The following LMO1 variants were observed in gnomAD, a reference collection of about 807,000 sequenced individuals.
LMO1 encodes the protein LIM domain only 1.
In LMO1, 10 loss-of-function variants were observed where a neutral mutation model predicts 18.0. That is an observed-to-expected ratio of 0.55 (90% confidence interval 0.34 to 0.94). The LOEUF (loss-of-function observed/expected upper bound fraction) is 0.94, where lower values mean the gene tolerates loss of function less well. LMO1 is among the 40% of genes least tolerant of loss of function. LMO1 has a pLI of 0.02. For missense variants in LMO1, 183 were observed against 205.7 expected (o/e 0.89, Z 0.68); for synonymous variants, 77 against 77.9 (o/e 0.99, Z 0.06).
In LMO1 at chr11:8,233,765, G is replaced by A. The variant is rs542892587; in HGVS notation, c.26-3261C>T. Among the ~76,000 whole-genome samples, 3 of 118,058 alleles carry A rather than the reference G, an allele frequency of 2.5e-5. No homozygotes were observed. The South Asian group carries it at 7.9e-4, about 31-fold the overall frequency. The allele number at this position is 118,058 out of a possible 152,430, so 77.5% of individuals were successfully genotyped here. On this transcript the variant is annotated intron_variant, in intron 1 of 3. Coordinates refer to ENST00000335790, the MANE Select transcript of LMO1 (RefSeq NM_002315.3). Reference sequence around the variant, plus strand: ...CACCTCTTCCCTCCCTCCTTCCCCAGCCTGGCTCTGGGACCTGAGCCTCGG... The same window carrying A: ...CACCTCTTCCCTCCCTCCTTCCCCAACCTGGCTCTGGGACCTGAGCCTCGG...
upstream of LMO1, chr11:8,268,558 AG>A (rs1461810875): frequency 1.1e-6 from 1 of 947,970 alleles, no homozygotes; most frequent in Non-Finnish European, 1.4e-6. Context: ...GCGGGCGCCG[AG>A]TCCGGAGAGC....
chr11:8,230,699 C>T (rs1952643293), intron 1 of LMO1, among the ~76,000 whole-genome samples, 195 bp from the exon 2 acceptor site: 1 of 152,202 alleles, frequency 6.6e-6, no homozygotes, highest in Non-Finnish European at 1.5e-5. Flanking sequence ...CTACATGGCA[C>T]AGCCTGTTTC....
At chr11:8,250,041 C>T (rs1231645276) in intron 1 of LMO1, among the ~76,000 whole-genome samples, 2 of 108,692 alleles carry the variant, frequency 1.8e-5, no homozygotes, top group Admixed American at 1.1e-4. Context: ...TTCACCTTTC[C>T]CCATTTTTTT....
chr11:8,246,710 T>C (rs1846899954), intron 1 of LMO1, among the ~76,000 whole-genome samples: 1 of 152,028 alleles, frequency 6.6e-6, no homozygotes, highest in African/African-American at 2.4e-5. Flanking sequence ...AAAGCTATTA[T>C]AAAACAAAAC....
intron 1 of LMO1, among the ~76,000 whole-genome samples, chr11:8,243,216 T>C (rs1253247182): frequency 2.0e-5 from 3 of 151,770 alleles, no homozygotes; most frequent in Non-Finnish European, 4.4e-5. Flanking sequence ...CTTCAGCCCT[T>C]CTTTGCAGAC....
chr11:8,262,664 G>A (rs1322582443), intron 1 of LMO1, among the ~76,000 whole-genome samples: 1 of 152,244 alleles, frequency 6.6e-6, no homozygotes. Flanking sequence ...GGCCGGCGGC[G>A]GGACACTTTC....
upstream of LMO1, among the ~76,000 whole-genome samples, chr11:8,266,923 T>C (rs1847267239): frequency 6.6e-6 from 1 of 152,212 alleles, no homozygotes; most frequent in Non-Finnish European, 1.5e-5. Flanking sequence ...CCACCACAGT[T>C]GACAGGACAG....
At chr11:8,254,588 G>A (rs1270185267) in intron 1 of LMO1, among the ~76,000 whole-genome samples, 1 of 141,684 alleles carries the variant, frequency 7.1e-6, no homozygotes, top group Admixed American at 7.4e-5. Context: ...ACCTGAAAGA[G>A]GCAACGGGGA....
Position 8,247,496 on chromosome 11 carries a change from C to G in LMO1, c.25+15842G>C, listed in dbSNP as rs150762237. Reference sequence around the variant, plus strand: ...GAAGCATCCTGGCCAGCAGGGGGAGCTGGGGCCACACTGGGGCAGGGGCAT... The same window carrying G: ...GAAGCATCCTGGCCAGCAGGGGGAGGTGGGGCCACACTGGGGCAGGGGCAT... On this transcript the variant is annotated intron_variant, in intron 1 of 3. Coordinates refer to ENST00000335790, the MANE Select transcript of LMO1 (RefSeq NM_002315.3). 2.5e-3 allele frequency among the ~76,000 whole-genome samples: 374 copies of G among 152,324 alleles called. 8 individuals carry two copies. The highest frequency in any genetic ancestry group is 5.7e-4 in the Non-Finnish European group (39 of 68,020).
intron 1 of LMO1, 120 bp downstream of exon 1, chr11:8,263,218 C>T (rs1847218610): frequency 4.3e-6 from 4 of 928,188 alleles, no homozygotes; most frequent in South Asian, 3.2e-5. Context: ...GCGCGCCGCC[C>T]GCCCCGCAAT....
chr11:8,228,270 G>C (rs1312996490), intron 2 of LMO1, among the ~76,000 whole-genome samples: 5 of 152,266 alleles, frequency 3.3e-5, no homozygotes, highest in Non-Finnish European at 5.9e-5. Flanking sequence ...CCAATGGTCT[G>C]AGCCATCCCG....
chr11:8,263,149 C>G lies in LMO1; in HGVS notation c.25+189G>C, dbSNP rs1050618962. Among the ~76,000 whole-genome samples, 4 of 151,614 alleles carry G rather than the reference C, an allele frequency of 2.6e-5. No individual in the cohort carries two copies. In the South Asian group the frequency reaches 8.3e-4, roughly 31 times the overall value. ...GCAGCCCGGGGCTCGACCTCCTCCC[C>G]CCGCAAGTTCCGCCCGGCTGTCCCC... On this transcript the variant is annotated intron_variant, in intron 1 of 3. Transcript: ENST00000335790.
chr11:8,266,198 C>G (rs369339874), upstream of LMO1, among the ~76,000 whole-genome samples: 1 of 152,192 alleles, frequency 6.6e-6, no homozygotes, highest in Non-Finnish European at 1.5e-5. Context: ...CCAAACTGAT[C>G]TGGAGAGGAA....
upstream of LMO1, among the ~76,000 whole-genome samples, chr11:8,264,461 T>C (rs892381798): frequency 3.3e-5 from 5 of 152,232 alleles, no homozygotes; most frequent in African/African-American, 1.2e-4. Flanking sequence ...GCTGCTATTA[T>C]GGAGTTGACG....
At chr11:8,232,471 C>T (rs1266531452) in intron 1 of LMO1, among the ~76,000 whole-genome samples, 1 of 152,124 alleles carries the variant, frequency 6.6e-6, no homozygotes, top group East Asian at 1.9e-4. Flanking sequence ...GTTAAAATAG[C>T]TGGATGGGGA....
chr11:8,230,404 C>G lies in LMO1; in HGVS notation c.126G>C (p.Lys42Asn), dbSNP rs1952634193. ...ACTTGAGGCAGTCTTCGTGCCAGTA[C>G]TTGTCCAATGCCTTCAGCAGATAGC... ...KDRYLLKALDKYWHEDCLKCA... is the reference protein window; with the variant it reads ...KDRYLLKALDNYWHEDCLKCA... Residue 42 changes from lysine (K) to asparagine (N), a missense_variant, in exon 2 of 4, where the codon AAG becomes AAC. Physicochemically the swap from Lys to Asn is moderately conservative, Grantham distance 94. Coordinates refer to ENST00000335790, the MANE Select transcript of LMO1 (RefSeq NM_002315.3). 1.2e-6 allele frequency: 2 copies of G among 1,613,970 alleles called. No individual in the cohort carries two copies. The highest frequency in any genetic ancestry group is 2.2e-5 in the South Asian group (2 of 91,092).
At chr11:8,242,670 C>T (rs891728548) in intron 1 of LMO1, among the ~76,000 whole-genome samples, 2 of 152,174 alleles carry the variant, frequency 1.3e-5, no homozygotes, top group South Asian at 2.1e-4. Context: ...GTTCCCCTGA[C>T]GGCAACTCAG....
intron 1 of LMO1, among the ~76,000 whole-genome samples, chr11:8,248,588 C>T (rs866455670): frequency 6.6e-6 from 1 of 152,256 alleles, no homozygotes; most frequent in Non-Finnish European, 1.5e-5. Context: ...CTTCTCTGGA[C>T]TGATCTTAGT....
At chr11:8,268,024 C>G (rs953373213), upstream of LMO1, among the ~76,000 whole-genome samples, 1 of 152,252 alleles carries the variant, frequency 6.6e-6, no homozygotes, top group Non-Finnish European at 1.5e-5. Flanking sequence ...GGAAGGGGAA[C>G]GTGCAGACAC....
Sources: gnomAD v4.1 joint callset for allele counts (sites outside exome capture counted in the v4.1 genomes callset) on GRCh38, gnomAD v4.1.1 for gene constraint, MANE v1.5 for transcripts, NCBI Gene and HGNC (gene_info 2026-07-23, HGNC 2026-07-21) for gene names.